Variants in BACH2 observed in about 807,000 individuals in gnomAD.
The protein encoded by BACH2 is BACH transcriptional regulator 2.
BACH2 carries 5 observed loss-of-function variants against 61.8 expected under a neutral mutation model. That is an observed-to-expected ratio of 0.08 (90% CI 0.04 to 0.17). BACH2 has a LOEUF of 0.17. Ranked by LOEUF, BACH2 falls within the 10% of genes least tolerant of loss-of-function variation. The pLI, the probability that BACH2 is intolerant of heterozygous loss-of-function variation, is 1.00. For missense variants in BACH2, 824 were observed against 1,091.1 expected, an observed-to-expected ratio of 0.76 and a Z score of 3.45; for synonymous variants, 446 against 440.1, an observed-to-expected ratio of 1.01 and a Z score of -0.17.
rs71027920 is a variant in BACH2 at position 90,065,270 on chromosome 6, C to CTTTTTTTTTTTTTTTTTTTTTTTTTTT, written c.-13+23664_-13+23690dup. ...GCCACCCCACCCCCTGCCGCCCCCA[C>CTTTTTTTTTTTTTTTTTTTTTTTTTTT]TTTTTTTTTTTTTTTTTTTTTTTTT... is the stretch of plus-strand genomic sequence containing the variant. On this transcript the variant is annotated intron_variant, in intron 5 of 8. Transcript: ENST00000257749. Among the ~76,000 whole-genome samples, 7 of 52,666 alleles carry CTTTTTTTTTTTTTTTTTTTTTTTTTTT rather than the reference C, an allele frequency of 1.3e-4. 1 individual carries two copies. The highest frequency in any genetic ancestry group is 2.0e-4 in the Non-Finnish European group (6 of 29,580). 34.6% of individuals were successfully genotyped at this position (52,666 alleles called of 152,430 possible).
intron 4 of BACH2, among the ~76,000 whole-genome samples, chr6:90,151,817 CTTAAGTGCAAATTTTCCCTATGTCTTTA>C (rs1662988727): frequency 6.6e-6 from 1 of 152,208 alleles, no homozygotes; most frequent in Admixed American, 6.5e-5. Flanking sequence ...TCTTGTATTT[CTTAAGTGCAAATTTTCCCTATGTCTTTA>C]TAGTTCAGAC....
chr6:90,048,380 T>G (rs1392451473), intron 5 of BACH2, among the ~76,000 whole-genome samples: 3 of 152,172 alleles, frequency 2.0e-5, no homozygotes, highest in African/African-American at 7.2e-5. Context: ...CCTCCTGCCT[T>G]GGTATCCCTT....
chr6:90,031,303 A>T (rs1778969084), intron 5 of BACH2, among the ~76,000 whole-genome samples: 1 of 152,158 alleles, frequency 6.6e-6, no homozygotes, highest in African/African-American at 2.4e-5. Context: ...CAAGACAGGG[A>T]TGCCCTCTCT....
chr6:89,951,362 G>C lies in BACH2; in HGVS notation c.744C>G (p.His248Gln). ...ATGTGCTTGCAAAACCTGAGGTACT[G>C]TGTGATGATGCATTATAGACATTCT... Reference protein sequence around the residue: ...CTKNVYNASSHSTSGFASTFR... With the variant: ...CTKNVYNASSQSTSGFASTFR... The change falls in exon 7 of 9, where the codon CAC (histidine) becomes CAG (glutamine). Residue 248 changes from histidine (H) to glutamine (Q), a missense_variant. By Grantham distance (24) the His-to-Gln change is conservative (BLOSUM62 0). Coordinates refer to ENST00000257749, the MANE Select transcript of BACH2 (RefSeq NM_021813.4). The surrounding 1 kb of genome is among the most constrained non-coding windows in gnomAD (Gnocchi z 6.4). The C allele has an allele frequency of 6.2e-7, 1 of 1,614,224 alleles. No homozygotes were observed.
In BACH2 at chr6:90,000,160, A is replaced by G. The variant is rs75240674; in HGVS notation, c.243+8442T>C. ...TAGATTTCCCTCCCTCTGTATCAGCACCACAGCCTCCAGGGCTGGAGTCAC... is the reference window on the plus strand; with the variant it reads ...TAGATTTCCCTCCCTCTGTATCAGCGCCACAGCCTCCAGGGCTGGAGTCAC... On this transcript the variant is annotated intron_variant, in intron 6 of 8. Transcript: ENST00000257749. Among the ~76,000 whole-genome samples the G allele has an allele frequency of 8.0e-3, 1,214 of 152,276 alleles. 28 individuals carry two copies. The highest frequency in any genetic ancestry group is 0.079 in the East Asian group (409 of 5,176).
At chr6:90,051,388 T>C (rs555114402) in intron 5 of BACH2, among the ~76,000 whole-genome samples, 1 of 152,298 alleles carries the variant, frequency 6.6e-6, no homozygotes, top group Admixed American at 6.5e-5. Flanking sequence ...TATGATCCTG[T>C]AGACTAGATA....
intron 4 of BACH2, among the ~76,000 whole-genome samples, chr6:90,105,197 G>T (rs1303023951): frequency 6.6e-6 from 1 of 152,196 alleles, no homozygotes; most frequent in Non-Finnish European, 1.5e-5. Context: ...TGACCCTCTG[G>T]ATGATAAAGT....
intron 5 of BACH2, among the ~76,000 whole-genome samples, chr6:90,025,217 G>A (rs1481641200): frequency 6.6e-6 from 1 of 152,204 alleles, no homozygotes; most frequent in African/African-American, 2.4e-5. Context: ...GAGAAAATGT[G>A]CAATTTAGCC....
At chr6:89,996,353 C>T (rs754631692) in intron 6 of BACH2, among the ~76,000 whole-genome samples, 5 of 152,216 alleles carry the variant, frequency 3.3e-5, no homozygotes, top group Admixed American at 6.5e-5. Flanking sequence ...TGCCATCCAA[C>T]ATGCATTCCA....
chr6:90,216,763 T>C (rs1769552346), intron 3 of BACH2, among the ~76,000 whole-genome samples: 1 of 152,116 alleles, frequency 6.6e-6, no homozygotes, highest in African/African-American at 2.4e-5. Context: ...CCAGAGTGGT[T>C]TTGTCTCCCA....
rs6931171 is a variant in BACH2, at chr6:90,201,050, T to C, written c.-162+5519A>G. Among the ~76,000 whole-genome samples, 1,042 of 152,324 alleles carry C rather than the reference T, an allele frequency of 6.8e-3. 14 individuals carry two copies. The highest frequency in any genetic ancestry group is 0.024 in the African/African-American group (979 of 41,568). ...TCTTCTTCGCAATTTATTTAGAACA[T>C]CTTTTTATGTCACTCAGTATTCCTC... On this transcript the variant is annotated intron_variant, in intron 4 of 8. Coordinates refer to ENST00000257749, the MANE Select transcript of BACH2 (RefSeq NM_021813.4).
chr6:90,206,000 CT>C (rs1769132618), intron 4 of BACH2, among the ~76,000 whole-genome samples: 1 of 152,184 alleles, frequency 6.6e-6, no homozygotes, highest in Non-Finnish European at 1.5e-5. Context: ...GCACCTTACA[CT>C]CTCTTGGAAC....
intron 6 of BACH2, among the ~76,000 whole-genome samples, chr6:89,985,465 G>A (rs1382258591): frequency 2.0e-5 from 3 of 152,024 alleles, no homozygotes; most frequent in African/African-American, 7.3e-5. Context: ...CAGTGGGGGC[G>A]GGACACTAAG....
intron 5 of BACH2, among the ~76,000 whole-genome samples, chr6:90,087,929 T>C (rs752410374): frequency 3.9e-5 from 6 of 152,094 alleles, no homozygotes; most frequent in African/African-American, 4.8e-5. Context: ...TTATTGACTA[T>C]AGTCACTCTA....
rs747189218 is a variant in BACH2 at position 89,951,195 on chromosome 6, G to T, written c.911C>A (p.Ala304Glu). Residue 304 changes from alanine to glutamate, a missense_variant, in exon 7 of 9, where the codon GCG (alanine) becomes GAG (glutamate). Ala to Glu is a moderately radical substitution (Grantham distance 107). Around this residue, in one of 8 missense-constraint regions of BACH2, gnomAD observed 226 missense variants for 228.5 expected, o/e 0.99. Coordinates refer to ENST00000257749, the MANE Select transcript of BACH2 (RefSeq NM_021813.4). This position sits in a 1 kb window ranked among gnomAD's most constrained non-coding sequence, Gnocchi z 6.4. ...SGDEPDAKDR[A>E]GDVEMDRKQP... is the part of the protein sequence containing the mutation. ...TTTCCGGTCCATCTCGACATCCCCC[G>T]CTCTGTCCTTGGCGTCAGGCTCATC... 20 of 1,613,656 alleles carry T rather than the reference G, an allele frequency of 1.2e-5. No individual in the cohort carries two copies. Among genetic ancestry groups the T allele is most frequent in the Middle Eastern group, 1.6e-4 (1 of 6,084 alleles).
chr6:90,220,179 C>T (rs994176651), intron 3 of BACH2, among the ~76,000 whole-genome samples: 15 of 152,042 alleles, frequency 9.9e-5, no homozygotes, highest in African/African-American at 2.4e-4. Flanking sequence ...AGAGTTTCTC[C>T]GCTACAGGAT....
intron 4 of BACH2, among the ~76,000 whole-genome samples, chr6:90,188,760 G>GAAAAAAA (rs57618295): frequency 8.4e-4 from 66 of 78,532 alleles, no homozygotes; most frequent in Non-Finnish European, 9.9e-4. Context: ...GCCCCAAAAT[G>GAAAAAAA]AAAAAAAAAA....
intron 4 of BACH2, among the ~76,000 whole-genome samples, chr6:90,153,550 T>C (rs769584542): frequency 6.6e-6 from 1 of 152,316 alleles, no homozygotes; most frequent in Non-Finnish European, 1.5e-5. Context: ...ATCACACTAG[T>C]AACAATTAGA....
intron 3 of BACH2, among the ~76,000 whole-genome samples, chr6:90,240,488 A>G (rs1467362997): frequency 6.6e-6 from 1 of 152,196 alleles, no homozygotes; most frequent in African/African-American, 2.4e-5. Context: ...ATATCCTGCT[A>G]TTGTCTGCTT....
Sources: allele counts gnomAD v4.1 joint callset (sites outside exome capture counted in the v4.1 genomes callset), GRCh38; gene constraint gnomAD v4.1.1; regional missense constraint gnomAD v4.1.1; non-coding constraint Gnocchi (gnomAD v3.1); transcripts MANE v1.5; gene names NCBI Gene and HGNC (gene_info 2026-07-23, HGNC 2026-07-21).